ATXN1: variants seen among roughly 807,000 people sequenced by gnomAD.
ATXN1 encodes ataxin-1.
Under a neutral mutation model 56.4 loss-of-function variants are expected in ATXN1, and 8 were observed. The ratio of observed to expected loss-of-function variants is 0.14; its 90% CI spans 0.08 to 0.26. The LOEUF (loss-of-function observed/expected upper bound fraction) is 0.26. Among genes scored for constraint, ATXN1 ranks in the 10% least tolerant of loss-of-function variants. ATXN1 has a pLI of 1.00. For missense variants in ATXN1, 987 were observed against 1,106.5 expected, an observed-to-expected ratio of 0.89 and a Z score of 1.53; for synonymous variants, 514 against 494.6, an observed-to-expected ratio of 1.04 and a Z score of -0.52.
At chr6:16,409,765 T>C (rs1758760406) in intron 6 of ATXN1, among the ~76,000 whole-genome samples, 2 of 151,562 alleles carry the variant, frequency 1.3e-5, no homozygotes, top group East Asian at 3.9e-4. Flanking sequence ...ACGTGCAGAA[T>C]CTGGGGCTCT....
intron 6 of ATXN1, among the ~76,000 whole-genome samples, chr6:16,350,615 C>T (rs955415230): frequency 4.6e-5 from 7 of 150,950 alleles, no homozygotes; most frequent in Non-Finnish European, 7.4e-5. Flanking sequence ...CTCTTTTTCC[C>T]ATATTTACTG....
intron 6 of ATXN1, among the ~76,000 whole-genome samples, chr6:16,359,933 G>A (rs1761772987): frequency 6.6e-6 from 1 of 152,070 alleles, no homozygotes; most frequent in African/African-American, 2.4e-5. Context: ...TGGGAGGGGG[G>A]TGAGGGATAA....
chr6:16,684,338 C>T (rs550708514), intron 2 of ATXN1, among the ~76,000 whole-genome samples: 1 of 152,120 alleles, frequency 6.6e-6, no homozygotes, highest in South Asian at 2.1e-4. Flanking sequence ...ACTTGAGAGT[C>T]GGAAGTGGTC....
At chr6:16,442,642 T>A in intron 6 of ATXN1, among the ~76,000 whole-genome samples, 1 of 151,312 alleles carries the variant, frequency 6.6e-6, no homozygotes, top group Non-Finnish European at 1.5e-5. Flanking sequence ...TCACTCAGAG[T>A]TGGAAACCAA....
chr6:16,480,596 T>G (rs139579956), intron 6 of ATXN1, among the ~76,000 whole-genome samples: 1 of 152,156 alleles, frequency 6.6e-6, no homozygotes, highest in East Asian at 1.9e-4. Flanking sequence ...CTCAAGAACA[T>G]CCTGGCACAC....
chr6:16,512,263 G>GTT (rs1180913923), intron 5 of ATXN1, among the ~76,000 whole-genome samples: 13 of 152,296 alleles, frequency 8.5e-5, no homozygotes, highest in African/African-American at 3.1e-4. Context: ...TTGAGTATCC[G>GTT]TAAATAACTC....
At chr6:16,513,553 T>C (rs780552753) in intron 5 of ATXN1, among the ~76,000 whole-genome samples, 4 of 152,222 alleles carry the variant, frequency 2.6e-5, no homozygotes, top group Non-Finnish European at 5.9e-5. Context: ...CCGATCATCT[T>C]GCTATTTGCA....
At chr6:16,534,395 GA>G (rs1036878852) in intron 4 of ATXN1, among the ~76,000 whole-genome samples, 119 of 149,020 alleles carry the variant, frequency 8.0e-4, no homozygotes, top group African/African-American at 2.8e-3. Context: ...ACTACTAGAG[GA>G]AAAAAAAATA....
intron 2 of ATXN1, among the ~76,000 whole-genome samples, chr6:16,749,576 G>A (rs761011484): frequency 3.3e-5 from 5 of 152,106 alleles, no homozygotes; most frequent in Non-Finnish European, 7.4e-5. Flanking sequence ...CAAGGTGCCT[G>A]AGCTGCAGAA....
intron 6 of ATXN1, among the ~76,000 whole-genome samples, chr6:16,372,399 G>A (rs537585866): frequency 1.3e-5 from 2 of 152,310 alleles, no homozygotes; most frequent in African/African-American, 4.8e-5. Context: ...ATTGGTGGGT[G>A]AGCTGTGGAG....
At chr6:16,505,720 C>T (rs763112568) in intron 5 of ATXN1, among the ~76,000 whole-genome samples, 1 of 152,020 alleles carries the variant, frequency 6.6e-6, no homozygotes, top group African/African-American at 2.4e-5. Context: ...TATGAGGCTC[C>T]GATAACAATA....
At chr6:16,450,907 C>T (rs937718026) in intron 6 of ATXN1, among the ~76,000 whole-genome samples, 1 of 152,138 alleles carries the variant, frequency 6.6e-6, no homozygotes, top group Non-Finnish European at 1.5e-5. Flanking sequence ...TATCTGTGAA[C>T]GCACCTGATC....
At chr6:16,320,151 G>C (rs1055261718) in intron 7 of ATXN1, among the ~76,000 whole-genome samples, 3 of 152,066 alleles carry the variant, frequency 2.0e-5, no homozygotes, top group Non-Finnish European at 4.4e-5. Flanking sequence ...TGAGGGCCTC[G>C]GCTATTTTTA....
At chr6:16,601,578 C>T (rs1762911964) in intron 3 of ATXN1, among the ~76,000 whole-genome samples, 1 of 152,174 alleles carries the variant, frequency 6.6e-6, no homozygotes, top group South Asian at 2.1e-4. Context: ...CAGCTGTGCG[C>T]AGTGGCTCAC....
intron 2 of ATXN1, among the ~76,000 whole-genome samples, chr6:16,710,158 T>C (rs1759492177): frequency 6.6e-6 from 1 of 152,164 alleles, no homozygotes; most frequent in Non-Finnish European, 1.5e-5. Context: ...AGAAAAAAAG[T>C]CCTGGTTATA....
intron 4 of ATXN1, among the ~76,000 whole-genome samples, chr6:16,540,917 G>T (rs979210355): frequency 1.3e-5 from 2 of 152,192 alleles, no homozygotes; most frequent in African/African-American, 4.8e-5. Context: ...TGGGAGACAG[G>T]CTGAGAATAT....
At chr6:16,445,437 T>C (rs1480860283) in intron 6 of ATXN1, among the ~76,000 whole-genome samples, 1 of 152,126 alleles carries the variant, frequency 6.6e-6, no homozygotes, top group African/African-American at 2.4e-5. Context: ...ATGTTGGCTC[T>C]GCTGCTGAAT....
intron 2 of ATXN1, among the ~76,000 whole-genome samples, chr6:16,676,248 A>G (rs1468822927): frequency 6.6e-6 from 1 of 152,222 alleles, no homozygotes; most frequent in Non-Finnish European, 1.5e-5. Flanking sequence ...GCTAGTCAAG[A>G]AGAGCAAAAG....
intron 6 of ATXN1, among the ~76,000 whole-genome samples, chr6:16,370,161 A>C (rs1024698212): frequency 2.6e-5 from 4 of 152,236 alleles, no homozygotes; most frequent in Non-Finnish European, 5.9e-5. Context: ...GTCCAGAAGC[A>C]GGAACTGATG....
Sources: gnomAD v4.1 joint callset for allele counts (sites outside exome capture counted in the v4.1 genomes callset) on GRCh38, gnomAD v4.1.1 for gene constraint, MANE v1.5 for transcripts, NCBI Gene and HGNC (gene_info 2026-07-23, HGNC 2026-07-21) for gene names.